Variants in CDON observed in about 807,000 individuals in gnomAD.
CDON encodes the protein cell adhesion molecule-related/down-regulated by oncogenes.
Under a neutral mutation model 120.9 loss-of-function variants are expected in CDON, and 73 were observed. The ratio of observed to expected loss-of-function variants is 0.60; its 90% confidence interval spans 0.50 to 0.73. CDON has a LOEUF of 0.73. CDON is among the 30% of genes least tolerant of loss of function. The probability of loss-of-function intolerance (pLI) is 0.00; values close to 1 mark genes in which losing one functional copy is unlikely to be tolerated. For synonymous variants in CDON, 566 were observed against 573.5 expected (o/e 0.99, Z 0.19); for missense variants, 1,470 against 1,587.3 (o/e 0.93, Z 1.26).
chr11:126,026,208 T>G (rs1300837076), intron 1 of CDON, among the ~76,000 whole-genome samples: 1 of 152,248 alleles, frequency 6.6e-6, no homozygotes, highest in Non-Finnish European at 1.5e-5. Flanking sequence ...AGCTATATTG[T>G]TTATTCCTTC....
chr11:125,965,324 A>G (rs746906610), intron 18 of CDON, among the ~76,000 whole-genome samples: 2 of 151,958 alleles, frequency 1.3e-5, no homozygotes, highest in African/African-American at 2.4e-5. Flanking sequence ...AAGAACAACT[A>G]AAAAAAATGG....
intron 1 of CDON, among the ~76,000 whole-genome samples, chr11:126,038,660 A>T (rs1274505373): frequency 6.6e-6 from 1 of 151,790 alleles, no homozygotes; most frequent in Non-Finnish European, 1.5e-5. Context: ...CTCAAAATAA[A>T]AAAAAAAAAA....
intron 16 of CDON, among the ~76,000 whole-genome samples, chr11:125,983,653 T>C (rs537212645): frequency 3.9e-5 from 6 of 152,186 alleles, no homozygotes; most frequent in Non-Finnish European, 7.3e-5. Flanking sequence ...TAGTTTTGGC[T>C]TTGGTGTTTA....
At chr11:125,980,538 T>G (rs1387664074) in intron 17 of CDON, among the ~76,000 whole-genome samples, 4 of 152,182 alleles carry the variant, frequency 2.6e-5, no homozygotes, top group Admixed American at 2.6e-4. Flanking sequence ...ACAGAGGTTT[T>G]GAAAAATCAG....
chr11:125,963,545 T>C (rs1371539051), intron 18 of CDON, among the ~76,000 whole-genome samples: 1 of 152,204 alleles, frequency 6.6e-6, no homozygotes, highest in Non-Finnish European at 1.5e-5. Flanking sequence ...GTTACACTCG[T>C]TCAAGTTACT....
intron 16 of CDON, 127 bp downstream of exon 16, chr11:125,983,744 GA>G: frequency 1.3e-6 from 1 of 751,492 alleles, no homozygotes; most frequent in Non-Finnish European, 2.3e-6. Flanking sequence ...TCCTCTGAAT[GA>G]AGAGTATCTA....
intron 17 of CDON, 152 bp downstream of exon 17, chr11:125,980,897 C>G: frequency 1.4e-6 from 1 of 723,816 alleles, no homozygotes; most frequent in Non-Finnish European, 2.4e-6. Flanking sequence ...AAAGACTACT[C>G]TGGATCAAAG....
intron 14 of CDON, among the ~76,000 whole-genome samples, chr11:125,991,145 T>C (rs916455949): frequency 5.9e-5 from 9 of 152,238 alleles, no homozygotes; most frequent in Admixed American, 2.6e-4. Context: ...GCTTCTGATA[T>C]GTTACTAAGA....
chr11:126,003,892 CCTCA>C lies in CDON; in HGVS notation c.2026+6_2026+9del, dbSNP rs1483478385. 6.2e-7 allele frequency: 1 copy of C among 1,612,840 alleles called. No homozygotes were observed. The highest frequency in any genetic ancestry group is 8.5e-7 in the Non-Finnish European group (1 of 1,179,002). ...GCCAGCTCATTCCTCCAAAGGAAGCCCTCACTCACCTTTGCTGGTTCGGAAGGTA... is the reference window on the plus strand; with the variant it reads ...GCCAGCTCATTCCTCCAAAGGAAGCCCTCACCTTTGCTGGTTCGGAAGGTA... On this transcript the variant is annotated splice_donor_region_variant and intron_variant, in intron 10 of 19. Coordinates refer to ENST00000531738, the MANE Select transcript of CDON (RefSeq NM_001378964.1).
intron 17 of CDON, among the ~76,000 whole-genome samples, chr11:125,979,824 A>G (rs1240531913): frequency 2.6e-5 from 4 of 152,252 alleles, no homozygotes; most frequent in Non-Finnish European, 5.9e-5. Flanking sequence ...TACATGCTGT[A>G]TCTTTCCACA....
intron 10 of CDON, among the ~76,000 whole-genome samples, chr11:126,002,192 T>C (rs1284403994): frequency 2.0e-5 from 3 of 152,346 alleles, no homozygotes; most frequent in African/African-American, 2.4e-5. Context: ...TTCTAAGCTA[T>C]AAAACTCACC....
chr11:126,008,767 C>G (rs561402442), intron 8 of CDON, among the ~76,000 whole-genome samples: 34 of 152,312 alleles, frequency 2.2e-4, no homozygotes, highest in Middle Eastern at 6.8e-3. Flanking sequence ...TAAACACACA[C>G]GCACATTCAT....
rs758713160 is a variant in CDON at position 126,005,886 on chromosome 11, G to A, written c.1724C>T (p.Ser575Phe). 6.2e-7 allele frequency: 1 copy of A among 1,614,146 alleles called. No homozygotes were observed. The highest frequency in any genetic ancestry group is 8.5e-7 in the Non-Finnish European group (1 of 1,180,014). ...CAGTATGATGGGGGCATCAGGAACAGAGATGCCGCTGGCGTTTTTCTCTGG... is the reference window on the plus strand; with the variant it reads ...CAGTATGATGGGGGCATCAGGAACAAAGATGCCGCTGGCGTTTTTCTCTGG... ...SAPEKNASGI[S>F]VPDAPIILSP... The change falls in exon 9 of 20, where the codon TCT (serine) becomes TTT (phenylalanine). Residue 575 changes from serine to phenylalanine, a missense_variant. Physicochemically the swap from Ser to Phe is radical, Grantham distance 155. Coordinates refer to ENST00000531738, the MANE Select transcript of CDON (RefSeq NM_001378964.1).
chr11:126,004,040 T>C lies in CDON; in HGVS notation c.1888A>G (p.Thr630Ala), dbSNP rs368328253. The C allele has an allele frequency of 5.6e-6, 9 of 1,613,878 alleles. No individual in the cohort carries two copies. The highest frequency in any genetic ancestry group is 6.8e-6 in the Non-Finnish European group (8 of 1,180,012). Reference protein sequence around the residue: ...DGVGMLGSWHTVRVPGSENEL... With the variant: ...DGVGMLGSWHAVRVPGSENEL... ...TTTTCACTTCCTGGGACTCGAACCGTGTGCCAGCTTCCCAGCATGCCAACC... is the reference window on the plus strand; with the variant it reads ...TTTTCACTTCCTGGGACTCGAACCGCGTGCCAGCTTCCCAGCATGCCAACC... Residue 630 changes from threonine to alanine, a missense_variant, in exon 10 of 20, where the codon ACG (threonine) becomes GCG (alanine). By Grantham distance (58) the Thr-to-Ala change is moderately conservative (BLOSUM62 0). Transcript: ENST00000531738.
intron 6 of CDON, among the ~76,000 whole-genome samples, chr11:126,016,852 T>C (rs1947482371): frequency 1.3e-5 from 2 of 152,122 alleles, no homozygotes; most frequent in Admixed American, 6.6e-5. Flanking sequence ...AATTTCTATA[T>C]TGTACAACGA....
At position 126,018,400 on chromosome 11, in the gene CDON, T is replaced by C. The variant is rs746731530; in HGVS notation, c.570A>G (p.Lys190=). The change falls in exon 5 of 20, where the codon AAA becomes AAG. Residue 190 remains lysine (K), a synonymous_variant. Coordinates refer to ENST00000531738, the MANE Select transcript of CDON (RefSeq NM_001378964.1). Reference sequence around the variant, plus strand: ...GTGTGACAGGATTATAAGCTGCACATTTGTATGATCCCTTGTCCTCTAAGG... The same window carrying C: ...GTGTGACAGGATTATAAGCTGCACACTTGTATGATCCCTTGTCCTCTAAGG... ...NVSLEDKGSY[K]CAAYNPVTHQ... 2 of 1,613,804 alleles carry C rather than the reference T, an allele frequency of 1.2e-6. No individual in the cohort carries two copies. Among genetic ancestry groups the C allele is most frequent in the South Asian group, 2.2e-5 (2 of 91,076 alleles).
At chr11:126,027,181 A>G (rs1386051250) in intron 1 of CDON, among the ~76,000 whole-genome samples, 1 of 152,190 alleles carries the variant, frequency 6.6e-6, no homozygotes, top group Non-Finnish European at 1.5e-5. Context: ...ACCCAAGGCA[A>G]GCCTGCTCAG....
chr11:125,990,886 G>T (rs890390869), intron 14 of CDON, among the ~76,000 whole-genome samples: 1 of 152,118 alleles, frequency 6.6e-6, no homozygotes, highest in Non-Finnish European at 1.5e-5. Flanking sequence ...CAAAAGTGAG[G>T]AGTTCTACGC....
intron 1 of CDON, among the ~76,000 whole-genome samples, chr11:126,048,589 T>G (rs894822481): frequency 6.6e-6 from 1 of 152,190 alleles, no homozygotes; most frequent in African/African-American, 2.4e-5. Flanking sequence ...AGAGGAAAAT[T>G]TCCTGCAGGT....
Sources: gnomAD v4.1 joint callset for allele counts (sites outside exome capture counted in the v4.1 genomes callset) on GRCh38, gnomAD v4.1.1 for gene constraint, MANE v1.5 for transcripts, NCBI Gene and HGNC (gene_info 2026-07-23, HGNC 2026-07-21) for gene names.